The following MAOB variants were observed in gnomAD, a reference collection of about 807,000 sequenced individuals.
MAOB encodes monoamine oxidase B, also known as amine oxidase [flavin-containing] B.
A neutral mutation model predicts 41.9 loss-of-function variants in MAOB; 15 were observed. The observed-to-expected ratio is 0.36, with a 90% CI of 0.24 to 0.55. MAOB has a LOEUF of 0.55. Among genes scored for constraint, MAOB ranks in the 20% least tolerant of loss-of-function variants. The pLI is 0.86. For missense variants in MAOB, 345 were observed against 398.7 expected, an observed-to-expected ratio of 0.87 and a Z score of 1.15; for synonymous variants, 167 against 144.2, an observed-to-expected ratio of 1.16 and a Z score of -1.13.
intron 2 of MAOB, among the ~76,000 whole-genome samples, chrX:43,842,851 G>A (rs1028311837): frequency 9.0e-6 from 1 of 111,671 alleles, no homozygotes; most frequent in Non-Finnish European, 1.9e-5. Context: ...TCTAAAACAC[G>A]TTGAATTCAT....
At chrX:43,818,001 T>C (rs1316267412) in intron 3 of MAOB, among the ~76,000 whole-genome samples, 1 of 112,411 alleles carries the variant, frequency 8.9e-6, no homozygotes, top group Non-Finnish European at 1.9e-5. Flanking sequence ...GGAGTACTCA[T>C]TCAATAAATC....
chrX:43,786,879 G>A (rs1325220085), intron 8 of MAOB, among the ~76,000 whole-genome samples: 1 of 111,420 alleles, frequency 9.0e-6, no homozygotes, highest in Non-Finnish European at 1.9e-5. Context: ...TCATGTTCAT[G>A]CCAGGACAAG....
intron 3 of MAOB, among the ~76,000 whole-genome samples, chrX:43,826,190 G>A (rs1322787072): frequency 8.9e-6 from 1 of 112,198 alleles, no homozygotes; most frequent in African/African-American, 3.2e-5. Flanking sequence ...GTCTTTATTT[G>A]TGGAATTTGG....
chrX:43,801,008 G>A (rs901556307), intron 5 of MAOB, among the ~76,000 whole-genome samples: 1 of 109,943 alleles, frequency 9.1e-6, no homozygotes, highest in African/African-American at 3.3e-5. Flanking sequence ...ACTTGATTCT[G>A]CCGATCTTCT....
At chrX:43,787,571 A>T (rs2034415823) in intron 8 of MAOB, among the ~76,000 whole-genome samples, 1 of 112,291 alleles carries the variant, frequency 8.9e-6, no homozygotes, top group South Asian at 3.6e-4. Context: ...CTTTTTAAAA[A>T]GTCTACTTTT....
chrX:43,788,559 T>C (rs1396233073), intron 8 of MAOB, among the ~76,000 whole-genome samples: 1 of 111,518 alleles, frequency 9.0e-6, no homozygotes, highest in African/African-American at 3.3e-5. Flanking sequence ...TGGTGTATAA[T>C]AGCAAAAACA....
chrX:43,831,406 T>C (rs1389284078), intron 3 of MAOB, among the ~76,000 whole-genome samples: 1 of 111,269 alleles, frequency 9.0e-6, no homozygotes, highest in Non-Finnish European at 1.9e-5. Context: ...AATTACTCCA[T>C]GTTGTACCAT....
At chrX:43,789,538 A>T (rs1318780308) in intron 8 of MAOB, among the ~76,000 whole-genome samples, 2 of 112,260 alleles carry the variant, frequency 1.8e-5, no homozygotes, top group Non-Finnish European at 3.8e-5. Context: ...ACAAGAATTC[A>T]ATGCATTGCT....
chrX:43,786,201 T>A (rs896967304), intron 8 of MAOB, among the ~76,000 whole-genome samples: 1 of 112,324 alleles, frequency 8.9e-6, no homozygotes, highest in African/African-American at 3.2e-5. Flanking sequence ...AATATATTAC[T>A]GCAGTGTCCA....
At chrX:43,772,719 C>G (rs749760376) in intron 12 of MAOB, among the ~76,000 whole-genome samples, 5 of 111,614 alleles carry the variant, frequency 4.5e-5, no homozygotes, top group Non-Finnish European at 9.4e-5. Flanking sequence ...ATTTCCAATG[C>G]TTGAGGTGGG....
chrX:43,824,800 C>T (rs1453570290), intron 3 of MAOB, among the ~76,000 whole-genome samples: 1 of 113,449 alleles, frequency 8.8e-6, no homozygotes, highest in Non-Finnish European at 1.9e-5. Flanking sequence ...ATATGTGTGG[C>T]CATGTGCACG....
chrX:43,866,518 A>G (rs1190660848), intron 1 of MAOB, among the ~76,000 whole-genome samples: 3 of 112,009 alleles, frequency 2.7e-5, no homozygotes, highest in Non-Finnish European at 3.8e-5. Context: ...AGTCAAATGC[A>G]TAGAGACAGA....
chrX:43,795,200 T>C (rs2034512208), intron 7 of MAOB, among the ~76,000 whole-genome samples: 1 of 111,735 alleles, frequency 8.9e-6, no homozygotes. Flanking sequence ...CCAGTTGATG[T>C]TCCTACAACC....
At chrX:43,783,956 G>T (rs1377516350) in intron 8 of MAOB, among the ~76,000 whole-genome samples, 1 of 111,972 alleles carries the variant, frequency 8.9e-6, no homozygotes, top group Non-Finnish European at 1.9e-5. Flanking sequence ...AATGTTCACA[G>T]CATCTTCACC....
intron 1 of MAOB, among the ~76,000 whole-genome samples, chrX:43,846,253 C>T (rs1362355225): frequency 8.9e-6 from 1 of 112,131 alleles, no homozygotes; most frequent in Non-Finnish European, 1.9e-5. Flanking sequence ...GGAAATACAT[C>T]GTTACTTGTA....
chrX:43,840,813 C>T (rs941108026), intron 2 of MAOB, among the ~76,000 whole-genome samples: 1 of 110,551 alleles, frequency 9.0e-6, no homozygotes, highest in African/African-American at 3.3e-5. Context: ...GAGATTCCCT[C>T]GGTCCTATGC....
At chrX:43,879,956 T>C (rs768413934) in intron 1 of MAOB, among the ~76,000 whole-genome samples, 7 of 112,486 alleles carry the variant, frequency 6.2e-5, no homozygotes, top group Non-Finnish European at 1.3e-4. Context: ...TTCATATTCA[T>C]TCCTGAAGAC....
At chrX:43,778,353 G>A (rs1301234384) in intron 11 of MAOB, among the ~76,000 whole-genome samples, 3 of 110,826 alleles carry the variant, frequency 2.7e-5, no homozygotes, top group Non-Finnish European at 3.8e-5. Flanking sequence ...CCTATGGGTA[G>A]TAGAAGCTCC....
intron 12 of MAOB, among the ~76,000 whole-genome samples, chrX:43,773,638 C>G (rs1034583807): frequency 8.9e-6 from 1 of 112,274 alleles, no homozygotes; most frequent in Non-Finnish European, 1.9e-5. Context: ...TGGGAGGGAC[C>G]CAGTGGGAGA....
Sources: gnomAD v4.1 joint callset for allele counts (sites outside exome capture counted in the v4.1 genomes callset) on GRCh38, gnomAD v4.1.1 for gene constraint, MANE v1.5 for transcripts, NCBI Gene and HGNC (gene_info 2026-07-23, HGNC 2026-07-21) for gene names.